Variants in ATP8B2 observed in about 807,000 individuals in gnomAD.
ATP8B2 encodes ATPase phospholipid transporting 8B2.
ATP8B2 carries 70 observed loss-of-function variants against 133.4 expected under a neutral mutation model. The observed-to-expected ratio is 0.52, with a 90% CI of 0.43 to 0.64. The LOEUF is 0.64. Among genes scored for constraint, ATP8B2 ranks in the 30% least tolerant of loss-of-function variants. ATP8B2 has a pLI of 0.00. For synonymous variants in ATP8B2, 517 were observed against 589.5 expected (o/e 0.88, Z 1.78); for missense variants, 1,101 against 1,535.7 (o/e 0.72, Z 4.73).
chr1:154,326,688 C>G (rs550073454), intron 1 of ATP8B2, among the ~76,000 whole-genome samples: 2 of 152,340 alleles, frequency 1.3e-5, no homozygotes, highest in South Asian at 2.1e-4. Context: ...TATCCAGACT[C>G]CTGACTCCTG....
In ATP8B2 at chr1:154,344,480, G is replaced by A; in HGVS notation, c.2121G>A (p.Leu707=). 1 of 1,614,150 alleles carries A rather than the reference G, an allele frequency of 6.2e-7. No homozygotes were observed. Among genetic ancestry groups the A allele is most frequent in the Non-Finnish European group, 8.5e-7 (1 of 1,180,020 alleles). Residue 707 remains leucine (L), a synonymous_variant, in exon 20 of 28, where the codon CTG becomes CTA. Coordinates refer to ENST00000368489, the MANE Select transcript of ATP8B2 (RefSeq NM_001370597.1). This position sits in a 1 kb window ranked among gnomAD's most constrained non-coding sequence, Gnocchi z 4.1. ...TCATAGTCACTGGCCATACTGTCCTGGAGGTGCGGGAGGAGCTCAGGTAAA... is the reference window on the plus strand; with the variant it reads ...TCATAGTCACTGGCCATACTGTCCTAGAGGTGCGGGAGGAGCTCAGGTAAA... ...EVFIVTGHTV[L]EVREELRKAR...
rs763585632 is a variant in ATP8B2, at chr1:154,331,513, C to T, written c.365+8C>T. The stretch of plus-strand genomic sequence containing the variant: ...GGTGCTGATCAATGGAATGTGAGTG[C>T]CTGTTGGAGACAAGAGCTCTGGGGA... On this transcript the variant is annotated splice_region_variant and intron_variant, in intron 6 of 27. Coordinates refer to ENST00000368489, the MANE Select transcript of ATP8B2 (RefSeq NM_001370597.1). The surrounding 1 kb of genome is among the most constrained non-coding windows in gnomAD (Gnocchi z 4.8). The T allele has an allele frequency of 1.2e-6, 2 of 1,614,026 alleles. No homozygotes were observed. Among genetic ancestry groups the T allele is most frequent in the East Asian group, 2.2e-5 (1 of 44,880 alleles).
At position 154,351,011 on chromosome 1, in the gene ATP8B2, A is replaced by G. The variant is rs1484039402; in HGVS notation, c.*1893A>G. On this transcript the variant is annotated 3_prime_UTR_variant, in exon 28 of 28. Coordinates refer to ENST00000368489, the MANE Select transcript of ATP8B2 (RefSeq NM_001370597.1). ...TGGCCACACAGTTTACAAACCCAGT[A>G]TCATGTCTGTCTGTGTGTCTCTCAA... 2 of 152,396 alleles carry G rather than the reference A, an allele frequency of 1.3e-5. No homozygotes were observed. Among genetic ancestry groups the G allele is most frequent in the Non-Finnish European group, 2.9e-5 (2 of 68,014 alleles). 9.4% of individuals were successfully genotyped at this position (152,396 alleles called of 1,614,324 possible). A position where few individuals can be genotyped will look rare whatever the true frequency, so the allele number is the denominator to read the frequency against.
In ATP8B2 at chr1:154,328,497, C is replaced by G. The variant is rs189324358; in HGVS notation, c.31+325C>G. ...GGTCCTCTCACCCCTTCCCTGCTCC[C>G]CTCGTTTTTCCATCTACCGGTTCTC... On this transcript the variant is annotated intron_variant, in intron 2 of 27. Transcript: ENST00000368489. This position sits in a 1 kb window ranked among gnomAD's most constrained non-coding sequence, Gnocchi z 4.6. Among the ~76,000 whole-genome samples, 1,084 of 152,308 alleles carry G rather than the reference C, an allele frequency of 7.1e-3. 8 individuals carry two copies. The highest frequency in any genetic ancestry group is 0.013 in the Admixed American group (195 of 15,300).
intron 1 of ATP8B2, among the ~76,000 whole-genome samples, chr1:154,326,036 G>A (rs1445623335): frequency 6.6e-6 from 1 of 152,202 alleles, no homozygotes; most frequent in Non-Finnish European, 1.5e-5. Context: ...CCCGCCCAGA[G>A]AGTTGTTGGG....
At position 154,343,991 on chromosome 1, in the gene ATP8B2, C is replaced by G. The variant is rs1162199295; in HGVS notation, c.1857C>G (p.Ser619Arg). The G allele has an allele frequency of 1.2e-6, 2 of 1,614,008 alleles. No homozygotes were observed. The highest frequency in any genetic ancestry group is 1.7e-5 in the Admixed American group (1 of 60,022). ...GGGCTGAGCGACGCCTCCAGGCCAGCCTGGCCCAGGACAGCCGGGAGGACA... is the reference window on the plus strand; with the variant it reads ...GGGCTGAGCGACGCCTCCAGGCCAGGCTGGCCCAGGACAGCCGGGAGGACA... ...EEWAERRLQA[S>R]LAQDSREDRL... The change falls in exon 18 of 28, where the codon AGC (serine) becomes AGG (arginine). Residue 619 changes from serine (S) to arginine (R), a missense_variant. Ser to Arg is a moderately radical substitution (Grantham distance 110, BLOSUM62 -1). Coordinates refer to ENST00000368489, the MANE Select transcript of ATP8B2 (RefSeq NM_001370597.1). This position sits in a 1 kb window ranked among gnomAD's most constrained non-coding sequence, Gnocchi z 5.8.
At chr1:154,329,131 T>C (rs1249361876) in intron 2 of ATP8B2, 3 of 1,207,130 alleles carry the variant, frequency 2.5e-6, no homozygotes, top group Non-Finnish European at 3.2e-6. Context: ...CCCCCTCCAA[T>C]CCCTACATTC....
rs77993403 is a variant in ATP8B2, at chr1:154,344,520, G to A, written c.2141+20G>A. On this transcript the variant is annotated intron_variant, in intron 20 of 27. Transcript: ENST00000368489. The surrounding 1 kb of genome is among the most constrained non-coding windows in gnomAD (Gnocchi z 4.1). ...GCTCAGGTAAACAAGAAGCCCAGGG[G>A]AGGCGGTGCTGTGCGTTGTGCCCAG... 63,447 of 1,614,098 alleles carry A rather than the reference G, an allele frequency of 0.039. 1,454 individuals are homozygous for A. Among genetic ancestry groups the A allele is most frequent in the Non-Finnish European group, 0.047 (55,476 of 1,179,988 alleles).
Position 154,345,364 on chromosome 1 carries a change from A to G in ATP8B2, c.2513A>G (p.Gln838Arg). The G allele has an allele frequency of 6.2e-7, 1 of 1,614,168 alleles. No individual in the cohort carries two copies. The highest frequency in any genetic ancestry group is 8.5e-7 in the Non-Finnish European group (1 of 1,180,034). The part of the protein sequence containing the change: ...GVGISGQEGI[Q>R]AVLASDYSFS... Reference sequence around the variant, plus strand: ...GGGATCAGTGGGCAGGAAGGGATCCAGGCTGTCTTGGCCTCCGATTACTCC... The same window carrying G: ...GGGATCAGTGGGCAGGAAGGGATCCGGGCTGTCTTGGCCTCCGATTACTCC... Residue 838 changes from glutamine (Q) to arginine (R), a missense_variant, in exon 23 of 28, where the codon CAG becomes CGG. Physicochemically the swap from Gln to Arg is conservative, Grantham distance 43. Transcript: ENST00000368489. This position sits in a 1 kb window ranked among gnomAD's most constrained non-coding sequence, Gnocchi z 5.6.
In ATP8B2 at chr1:154,344,153, C is replaced by T. The variant is rs1686499011; in HGVS notation, c.1934C>T (p.Ala645Val). ...EVENNMMLLG[A>V]TAIEDKLQQG... Reference sequence around the variant, plus strand: ...TTGTGGTATTTTCAGCTGCTGGGTGCAACGGCCATTGAGGACAAACTTCAG... The same window carrying T: ...TTGTGGTATTTTCAGCTGCTGGGTGTAACGGCCATTGAGGACAAACTTCAG... Residue 645 changes from alanine to valine, a missense_variant, in exon 19 of 28, where the codon GCA (alanine) becomes GTA (valine). Ala to Val is a moderately conservative substitution (Grantham distance 64). Transcript: ENST00000368489. The surrounding 1 kb of genome is among the most constrained non-coding windows in gnomAD (Gnocchi z 4.1). 1 of 1,614,104 alleles carries T rather than the reference C, an allele frequency of 6.2e-7. No individual in the cohort carries two copies. Among genetic ancestry groups the T allele is most frequent in the Non-Finnish European group, 8.5e-7 (1 of 1,180,046 alleles).
In ATP8B2 at chr1:154,343,161, C is replaced by G. The variant is rs1401502319; in HGVS notation, c.1502C>G (p.Thr501Ser). The G allele has an allele frequency of 6.2e-7, 1 of 1,614,022 alleles. No homozygotes were observed. The highest frequency in any genetic ancestry group is 8.5e-7 in the Non-Finnish European group (1 of 1,180,042). ...AQSPDEGALV[T>S]AARNFGFVFR... Reference sequence around the variant, plus strand: ...TCCCCAGATGAGGGGGCCCTGGTCACCGCAGCCAGGAACTTTGGTTTTGTT... The same window carrying G: ...TCCCCAGATGAGGGGGCCCTGGTCAGCGCAGCCAGGAACTTTGGTTTTGTT... Residue 501 changes from threonine to serine, a missense_variant, in exon 16 of 28, where the codon ACC (threonine) becomes AGC (serine). Physicochemically the swap from Thr to Ser is moderately conservative, Grantham distance 58. Transcript: ENST00000368489. The surrounding 1 kb of genome is among the most constrained non-coding windows in gnomAD (Gnocchi z 5.8).
rs769829840 is a variant in ATP8B2, at chr1:154,345,569, G to A, written c.2694+24G>A. On this transcript the variant is annotated intron_variant, in intron 23 of 27. Transcript: ENST00000368489. This position sits in a 1 kb window ranked among gnomAD's most constrained non-coding sequence, Gnocchi z 5.6. ...AGGTAATAAATGTTCCCAGTCCACT[G>A]TTGTGCAAATCTGTAAACCTGAGGG... 6.3e-6 allele frequency: 10 copies of A among 1,586,062 alleles called. No individual in the cohort carries two copies. The Admixed American group carries it at 1.4e-4, about 22-fold the overall frequency.
chr1:154,338,077 G>A (rs1686252854), intron 12 of ATP8B2, among the ~76,000 whole-genome samples: 1 of 152,232 alleles, frequency 6.6e-6, no homozygotes, highest in Admixed American at 6.5e-5. Context: ...GGAGGCACAG[G>A]GTGCCCGGGG....
chr1:154,332,045 C>T, intron 8 of ATP8B2, 21 bp downstream of exon 8: 1 of 1,601,994 alleles, frequency 6.2e-7, no homozygotes, highest in Non-Finnish European at 8.6e-7. Flanking sequence ...TGCTCAGTGT[C>T]AGCCCTCTCC....
rs1327792221 is a variant in ATP8B2, at chr1:154,346,148, CAG to C, written c.2779-80_2779-79del. 1 of 1,543,170 alleles carries C rather than the reference CAG, an allele frequency of 6.5e-7. No individual in the cohort carries two copies. The highest frequency in any genetic ancestry group is 1.4e-5 in the African/African-American group (1 of 73,342). On this transcript the variant is annotated intron_variant, in intron 24 of 27. Transcript: ENST00000368489. This position sits in a 1 kb window ranked among gnomAD's most constrained non-coding sequence, Gnocchi z 4.5. Reference sequence around the variant, plus strand: ...GACTTTGGAAAGGAGGAGGCAGGGACAGAGTCAGAGTCTGCCCTTGGTCATCC... The same window carrying C: ...GACTTTGGAAAGGAGGAGGCAGGGACAGTCAGAGTCTGCCCTTGGTCATCC...
chr1:154,325,873 G>A (rs1009735595), intron 1 of ATP8B2, among the ~76,000 whole-genome samples, 171 bp downstream of exon 1: 1 of 152,156 alleles, frequency 6.6e-6, no homozygotes, highest in Non-Finnish European at 1.5e-5. Flanking sequence ...GATGGCGGCC[G>A]ACTGGAGACG....
chr1:154,333,242 G>T (rs1211695230), intron 9 of ATP8B2, among the ~76,000 whole-genome samples: 1 of 152,066 alleles, frequency 6.6e-6, no homozygotes, highest in Non-Finnish European at 1.5e-5. Context: ...GAACCTGGGA[G>T]GCGGAGGTTG....
Position 154,348,733 on chromosome 1 carries a change from C to T in ATP8B2, c.3295-107C>T, listed in dbSNP as rs548350358. The T allele has an allele frequency of 5.4e-5, 75 of 1,396,222 alleles. No homozygotes were observed. The South Asian group carries it at 7.4e-4, about 14-fold the overall frequency. 86.5% of individuals were successfully genotyped at this position (1,396,222 alleles called of 1,614,324 possible). The stretch of plus-strand genomic sequence containing the variant: ...CAGCCTGGTCCCAGGTGCTGTGGGT[C>T]GGAGGCCTCTGTGTCAGCCTGGTCC... On this transcript the variant is annotated intron_variant, in intron 27 of 27. Transcript: ENST00000368489.
At position 154,348,734 on chromosome 1, in the gene ATP8B2, G is replaced by A. The variant is rs559681533; in HGVS notation, c.3295-106G>A. On this transcript the variant is annotated intron_variant, in intron 27 of 27. Coordinates refer to ENST00000368489, the MANE Select transcript of ATP8B2 (RefSeq NM_001370597.1). ...AGCCTGGTCCCAGGTGCTGTGGGTC[G>A]GAGGCCTCTGTGTCAGCCTGGTCCC... 6 of 1,396,166 alleles carry A rather than the reference G, an allele frequency of 4.3e-6. No homozygotes were observed. The South Asian group carries it at 5.6e-5, about 13-fold the overall frequency. The allele number at this position is 1,396,166 out of a possible 1,614,324, so 86.5% of individuals were successfully genotyped here.
Sources: gnomAD v4.1 joint callset for allele counts (sites outside exome capture counted in the v4.1 genomes callset) on GRCh38, gnomAD v4.1.1 for gene constraint, Gnocchi (gnomAD v3.1) non-coding constraint, MANE v1.5 for transcripts, NCBI Gene and HGNC (gene_info 2026-07-23, HGNC 2026-07-21) for gene names.